IL1RAPL2: variants seen among roughly 807,000 people sequenced by gnomAD.
IL1RAPL2 encodes the protein interleukin 1 receptor accessory protein like 2.
A neutral mutation model predicts 44.1 loss-of-function variants in IL1RAPL2; 3 were observed. The observed-to-expected ratio is 0.07, with a 90% CI of 0.03 to 0.18. The LOEUF (loss-of-function observed/expected upper bound fraction) is 0.18, where lower values mean the gene tolerates loss of function less well. Ranked by LOEUF, IL1RAPL2 falls within the 10% of genes least tolerant of loss-of-function variation. The probability of loss-of-function intolerance (pLI) is 1.00; values close to 1 mark genes in which losing one functional copy is unlikely to be tolerated. For synonymous variants in IL1RAPL2, 181 were observed against 178.8 expected (o/e 1.01, Z -0.10); for missense variants, 391 against 496.4 (o/e 0.79, Z 2.02).
chrX:105,282,966 T>C (rs1336162467), intron 5 of IL1RAPL2, among the ~76,000 whole-genome samples: 1 of 111,948 alleles, frequency 8.9e-6, no homozygotes, highest in Non-Finnish European at 1.9e-5. Flanking sequence ...TTGTTATCCT[T>C]ACATTTTGTG....
chrX:105,181,098 A>C (rs2033526782), intron 2 of IL1RAPL2, among the ~76,000 whole-genome samples: 1 of 111,437 alleles, frequency 9.0e-6, no homozygotes, highest in Admixed American at 9.5e-5. Context: ...TATTTCCTCT[A>C]GGTTTTACAG....
chrX:105,188,623 A>C, intron 2 of IL1RAPL2, among the ~76,000 whole-genome samples: 1 of 112,058 alleles, frequency 8.9e-6, no homozygotes. Context: ...AATGAGATGA[A>C]GGACTTCATT....
In IL1RAPL2 at chrX:105,046,821, C is replaced by CTTTTTT. The variant is rs5903258; in HGVS notation, c.83-148644_83-148639dup. ...CTACTTTACCTACATAAGCACTAACCTTTTTTTTTTTTTTTGGGGGGGTGC... is the reference window on the plus strand; with the variant it reads ...CTACTTTACCTACATAAGCACTAACCTTTTTTTTTTTTTTTTTTTTTGGGGGGGTGC... On this transcript the variant is annotated intron_variant, in intron 2 of 10. Transcript: ENST00000372582. Among the ~76,000 whole-genome samples, 131 of 76,765 alleles carry CTTTTTT rather than the reference C, an allele frequency of 1.7e-3. 1 individual carries two copies. Among genetic ancestry groups the CTTTTTT allele is most frequent in the African/African-American group, 6.0e-3 (116 of 19,451 alleles). 66.7% of individuals were successfully genotyped at this position (76,765 alleles called of 115,157 possible).
At chrX:104,949,185 G>T (rs1925490449) in intron 2 of IL1RAPL2, among the ~76,000 whole-genome samples, 1 of 108,769 alleles carries the variant, frequency 9.2e-6, no homozygotes, top group Non-Finnish European at 1.9e-5. Context: ...ATTTCTTCTA[G>T]ATTTTCTAGT....
chrX:105,395,176 A>G (rs899524201), intron 5 of IL1RAPL2, among the ~76,000 whole-genome samples: 2 of 110,696 alleles, frequency 1.8e-5, no homozygotes, highest in African/African-American at 6.6e-5. Context: ...ATGTGACTAA[A>G]TGGAATTAGG....
intron 6 of IL1RAPL2, among the ~76,000 whole-genome samples, chrX:105,620,054 T>C (rs971398500): frequency 9.0e-6 from 1 of 110,913 alleles, no homozygotes; most frequent in African/African-American, 3.3e-5. Context: ...GAACAGTGTT[T>C]GTTAATTTCA....
chrX:105,313,058 A>G (rs983636545), intron 5 of IL1RAPL2, among the ~76,000 whole-genome samples: 1 of 111,740 alleles, frequency 8.9e-6, no homozygotes, highest in African/African-American at 3.3e-5. Context: ...GTGTTCATTC[A>G]AATACACTGA....
chrX:105,153,651 A>G (rs972787059), intron 2 of IL1RAPL2, among the ~76,000 whole-genome samples: 6 of 111,799 alleles, frequency 5.4e-5, no homozygotes, highest in Non-Finnish European at 9.4e-5. Flanking sequence ...ACATAAATCA[A>G]TACATGTAAG....
intron 2 of IL1RAPL2, among the ~76,000 whole-genome samples, chrX:105,113,897 A>G (rs114374357): frequency 0.086 from 9,636 of 111,704 alleles, 1,028 homozygotes; most frequent in African/African-American, 0.3. Flanking sequence ...AGCACAATGT[A>G]GAAAAAGGGA....
intron 6 of IL1RAPL2, among the ~76,000 whole-genome samples, chrX:105,511,389 T>G (rs1203932256): frequency 1.8e-5 from 2 of 111,504 alleles, no homozygotes; most frequent in African/African-American, 6.5e-5. Context: ...TTCTAGGAAG[T>G]CTCTTTCCTG....
intron 2 of IL1RAPL2, among the ~76,000 whole-genome samples, chrX:104,882,206 G>T (rs971577111): frequency 8.9e-6 from 1 of 112,036 alleles, no homozygotes; most frequent in Non-Finnish European, 1.9e-5. Flanking sequence ...ATAACAAAAA[G>T]TTGGGGCCTG....
intron 5 of IL1RAPL2, among the ~76,000 whole-genome samples, chrX:105,472,339 A>G (rs1246969059): frequency 9.0e-6 from 1 of 111,569 alleles, no homozygotes; most frequent in Non-Finnish European, 1.9e-5. Flanking sequence ...GGGGCCATCA[A>G]AGCTCCACAG....
intron 6 of IL1RAPL2, among the ~76,000 whole-genome samples, chrX:105,710,964 A>G (rs780507001): frequency 9.4e-5 from 10 of 106,234 alleles, no homozygotes; most frequent in South Asian, 4.1e-4. Flanking sequence ...TTATATATAT[A>G]TGTGTGCATA....
At chrX:104,905,803 C>A (rs1244348551) in intron 2 of IL1RAPL2, among the ~76,000 whole-genome samples, 72 of 110,926 alleles carry the variant, frequency 6.5e-4, no homozygotes, top group African/African-American at 2.0e-3. Flanking sequence ...TTTTGGTTCC[C>A]TATGAACTTT....
chrX:104,848,782 C>G (rs982936514), intron 2 of IL1RAPL2, among the ~76,000 whole-genome samples: 1 of 108,800 alleles, frequency 9.2e-6, no homozygotes, highest in African/African-American at 3.3e-5. Flanking sequence ...ATGTTTTCTC[C>G]TAACATAATT....
intron 6 of IL1RAPL2, among the ~76,000 whole-genome samples, chrX:105,582,039 T>C (rs1201048998): frequency 9.0e-6 from 1 of 111,276 alleles, no homozygotes; most frequent in Admixed American, 9.6e-5. Context: ...ATGTCAAGGA[T>C]ATAATCCCTT....
chrX:105,357,869 G>A (rs1031890081), intron 5 of IL1RAPL2, among the ~76,000 whole-genome samples: 1 of 107,948 alleles, frequency 9.3e-6, no homozygotes, highest in Non-Finnish European at 1.9e-5. Flanking sequence ...TTTGGGCTAG[G>A]TGTGGTGGCT....
chrX:105,025,874 T>G (rs1182404633), intron 2 of IL1RAPL2, among the ~76,000 whole-genome samples: 2 of 111,449 alleles, frequency 1.8e-5, no homozygotes, highest in Non-Finnish European at 3.8e-5. Context: ...TAAAGACATC[T>G]GGTTTGTTTG....
At chrX:104,710,951 G>C (rs1931446124) in intron 2 of IL1RAPL2, among the ~76,000 whole-genome samples, 1 of 111,119 alleles carries the variant, frequency 9.0e-6, no homozygotes, top group Non-Finnish European at 1.9e-5. Context: ...CATTGTTTTA[G>C]AGTGTGCTCC....
Sources: gnomAD v4.1 joint callset for allele counts (sites outside exome capture counted in the v4.1 genomes callset) on GRCh38, gnomAD v4.1.1 for gene constraint, MANE v1.5 for transcripts, NCBI Gene and HGNC (gene_info 2026-07-23, HGNC 2026-07-21) for gene names.